The following CHLSN variants were observed in gnomAD, a reference collection of about 807,000 sequenced individuals.
CHLSN encodes the protein cholesin.
At chr7:1,133,762 A>G in the CHLSN span, among the ~76,000 whole-genome samples, 1 of 151,736 alleles carries the variant, frequency 6.6e-6, no homozygotes, top group South Asian at 2.1e-4. Flanking sequence ...AAAAAAAAAA[A>G]AAAACACCCA....
chr7:1,016,602 C>T, the CHLSN span, among the ~76,000 whole-genome samples: 2 of 66,910 alleles, frequency 3.0e-5, 1 homozygote, highest in Non-Finnish European at 5.8e-5. Context: ...CACACAGCAG[C>T]GTACAGCAGC....
chr7:1,129,989 G>A, the CHLSN span, among the ~76,000 whole-genome samples: 3 of 152,280 alleles, frequency 2.0e-5, no homozygotes, highest in Non-Finnish European at 4.4e-5. Flanking sequence ...TAGCAAAGCT[G>A]TGGCACCACA....
the CHLSN span, chr7:1,091,754 G>A: frequency 1.3e-6 from 2 of 1,540,596 alleles, no homozygotes; most frequent in East Asian, 2.3e-5. Flanking sequence ...CAAGCCCGGG[G>A]CGTGGGCCTG....
chr7:1,070,745 CACA>C, the CHLSN span, among the ~76,000 whole-genome samples: 21 of 149,888 alleles, frequency 1.4e-4, no homozygotes, highest in Admixed American at 4.0e-4. Context: ...CACATATGCA[CACA>C]ACGCACGCAG....
the CHLSN span, chr7:1,024,533 C>T: frequency 6.6e-6 from 1 of 152,232 alleles, no homozygotes; most frequent in African/African-American, 2.4e-5. Flanking sequence ...CTTTTTATTT[C>T]TGCTTTTCTC....
the CHLSN span, among the ~76,000 whole-genome samples, chr7:1,032,816 G>A: frequency 6.6e-6 from 1 of 152,248 alleles, no homozygotes; most frequent in Non-Finnish European, 1.5e-5. Flanking sequence ...CAGAAAGCAC[G>A]ATGCTAGGGT....
the CHLSN span, chr7:1,091,621 A>T: frequency 2.2e-6 from 2 of 902,684 alleles, no homozygotes; most frequent in South Asian, 3.4e-5. Context: ...GACAAATGCC[A>T]GGCTCACTTC....
chr7:1,135,847 ATATG>A, the CHLSN span, among the ~76,000 whole-genome samples: 3 of 136,266 alleles, frequency 2.2e-5, no homozygotes, highest in South Asian at 4.2e-4. Context: ...ATTTACATAA[ATATG>A]TATTTATATA....
chr7:1,094,816 T>C, the CHLSN span, among the ~76,000 whole-genome samples: 1 of 152,174 alleles, frequency 6.6e-6, no homozygotes, highest in Non-Finnish European at 1.5e-5. Flanking sequence ...AGGTGGGGCC[T>C]GTATTCTCCA....
At chr7:1,129,637 T>C in the CHLSN span, among the ~76,000 whole-genome samples, 1 of 152,160 alleles carries the variant, frequency 6.6e-6, no homozygotes, top group Non-Finnish European at 1.5e-5. Flanking sequence ...AGAGGCAGGG[T>C]CTTGCTATGC....
At chr7:1,079,039 G>C in the CHLSN span, among the ~76,000 whole-genome samples, 1 of 150,826 alleles carries the variant, frequency 6.6e-6, no homozygotes, top group Non-Finnish European at 1.5e-5. Flanking sequence ...AGGCAGCGAG[G>C]CAGCGGGTCA....
chr7:1,093,135 C>A, the CHLSN span: 1 of 628,266 alleles, frequency 1.6e-6, no homozygotes. Context: ...TCACCCAGCT[C>A]CTCCCCGCCA....
chr7:983,384 A>C, the CHLSN span: 103 of 1,504,126 alleles, frequency 6.8e-5, 1 homozygote, highest in East Asian at 2.6e-3. Context: ...TCCCTGATGG[A>C]GGTAAGTCAG....
chr7:1,137,956 G>A, the CHLSN span: 1 of 152,104 alleles, frequency 6.6e-6, no homozygotes, highest in Admixed American at 6.5e-5. Context: ...CCCGCGCTGA[G>A]TTAACCCAGA....
chr7:1,079,895 A>G, the CHLSN span, among the ~76,000 whole-genome samples: 1 of 152,252 alleles, frequency 6.6e-6, no homozygotes, highest in Non-Finnish European at 1.5e-5. Context: ...GCCGTCAAGA[A>G]CACACAATTC....
the CHLSN span, among the ~76,000 whole-genome samples, chr7:1,124,842 G>A: frequency 1.3e-5 from 2 of 151,998 alleles, no homozygotes; most frequent in African/African-American, 4.8e-5. Context: ...CAGGTGGAAC[G>A]CGGGGCTGCC....
At chr7:1,008,969 G>A in the CHLSN span, among the ~76,000 whole-genome samples, 3 of 149,358 alleles carry the variant, frequency 2.0e-5, no homozygotes, top group African/African-American at 5.0e-5. Flanking sequence ...ACACACATGC[G>A]TGCACACACA....
the CHLSN span, among the ~76,000 whole-genome samples, chr7:1,118,548 G>A: frequency 6.6e-6 from 1 of 152,140 alleles, no homozygotes; most frequent in South Asian, 2.1e-4. Context: ...AAACTTTCCT[G>A]AATGACAGAA....
the CHLSN span, chr7:1,057,524 C>G: frequency 1.3e-6 from 1 of 769,642 alleles, no homozygotes; most frequent in Non-Finnish European, 2.4e-6. Context: ...CCATGTGGAG[C>G]TGCAGCTGGT....
Sources: gnomAD v4.1 joint callset for allele counts (sites outside exome capture counted in the v4.1 genomes callset) on GRCh38, gnomAD v4.1.1 for gene constraint, MANE v1.5 for transcripts, NCBI Gene and HGNC (gene_info 2026-07-23, HGNC 2026-07-21) for gene names.